GRID2: variants seen among roughly 807,000 people sequenced by gnomAD.
GRID2 encodes glutamate ionotropic receptor delta type subunit 2, also known as glutamate receptor ionotropic, delta-2.
GRID2 carries 33 observed loss-of-function variants against 114.8 expected under a neutral mutation model. The ratio of observed to expected loss-of-function variants is 0.29; its 90% CI spans 0.22 to 0.38. GRID2 has a LOEUF of 0.38. Ranked by LOEUF, GRID2 falls within the 10% of genes least tolerant of loss-of-function variation. GRID2 has a pLI of 1.00. For missense variants in GRID2, 1,184 were observed against 1,257.7 expected, an observed-to-expected ratio of 0.94 and a Z score of 0.89; for synonymous variants, 505 against 449.9, an observed-to-expected ratio of 1.12 and a Z score of -1.55.
intron 14 of GRID2, among the ~76,000 whole-genome samples, chr4:93,713,457 ATG>A (rs1728655586): frequency 6.6e-6 from 1 of 151,938 alleles, no homozygotes; most frequent in African/African-American, 2.4e-5. Context: ...TTATTTATTT[ATG>A]CATTCAAATA....
At chr4:92,933,161 A>G (rs1397203648) in intron 2 of GRID2, among the ~76,000 whole-genome samples, 3 of 150,104 alleles carry the variant, frequency 2.0e-5, no homozygotes, top group African/African-American at 7.3e-5. Context: ...ATATATATAT[A>G]CACATATATA....
At chr4:93,454,186 A>C (rs72668734) in intron 10 of GRID2, among the ~76,000 whole-genome samples, 1 of 152,132 alleles carries the variant, frequency 6.6e-6, no homozygotes, top group Non-Finnish European at 1.5e-5. Flanking sequence ...GTATACTAAT[A>C]TGGTCTTGTT....
intron 2 of GRID2, among the ~76,000 whole-genome samples, chr4:92,721,969 T>C (rs913843930): frequency 2.0e-5 from 3 of 152,146 alleles, no homozygotes; most frequent in African/African-American, 7.2e-5. Context: ...AATCCTTGTA[T>C]CTCTATCACC....
chr4:93,629,844 T>G lies in GRID2; in HGVS notation c.2360+3409T>G, dbSNP rs192498960. Among the ~76,000 whole-genome samples the G allele has an allele frequency of 8.3e-4, 127 of 152,302 alleles. 1 individual carries two copies. The highest frequency in any genetic ancestry group is 6.5e-4 in the Non-Finnish European group (44 of 68,034). ...TATTATCTGCTACCTGCCAGACGTC[T>G]TATATGTTTATATATTTCATAGGCA... On this transcript the variant is annotated intron_variant, in intron 14 of 15. Coordinates refer to ENST00000282020, the MANE Select transcript of GRID2 (RefSeq NM_001510.4).
intron 2 of GRID2, among the ~76,000 whole-genome samples, chr4:92,946,730 T>A (rs910926889): frequency 6.6e-6 from 1 of 152,102 alleles, no homozygotes; most frequent in African/African-American, 2.4e-5. Context: ...TTCTGTACCT[T>A]ACAGTTATGG....
Position 93,189,758 on chromosome 4 carries a change from C to T in GRID2, c.736-17646C>T, listed in dbSNP as rs1370690619. ...AGTTTTGTGTGGTACTAAACAACAA[C>T]ACCACCACACCACACCACACACACA... On this transcript the variant is annotated intron_variant, in intron 4 of 15. Coordinates refer to ENST00000282020, the MANE Select transcript of GRID2 (RefSeq NM_001510.4). 3.6e-5 allele frequency among the ~76,000 whole-genome samples: 5 copies of T among 139,196 alleles called. No individual in the cohort carries two copies. The South Asian group carries it at 7.1e-4, about 20-fold the overall frequency. 91.3% of individuals were successfully genotyped at this position (139,196 alleles called of 152,430 possible). A position where few individuals can be genotyped will look rare whatever the true frequency, so the allele number is the denominator to read the frequency against.
chr4:92,975,073 C>T (rs1410546594), intron 2 of GRID2, among the ~76,000 whole-genome samples: 7 of 140,958 alleles, frequency 5.0e-5, no homozygotes, highest in African/African-American at 1.9e-4. Context: ...AGGAGAATGG[C>T]GTGAACCCGG....
chr4:93,523,934 A>G (rs1730584370), intron 13 of GRID2, among the ~76,000 whole-genome samples: 1 of 152,072 alleles, frequency 6.6e-6, no homozygotes, highest in Non-Finnish European at 1.5e-5. Flanking sequence ...CTGACCTTGC[A>G]TGTCGGCCAT....
chr4:92,336,228 C>A (rs1412234075), intron 1 of GRID2, among the ~76,000 whole-genome samples: 6 of 152,032 alleles, frequency 3.9e-5, no homozygotes, highest in Admixed American at 3.9e-4. Context: ...AACTGATATC[C>A]TTTTCTAACC....
At chr4:93,602,648 C>G (rs947972303) in intron 13 of GRID2, among the ~76,000 whole-genome samples, 1 of 152,148 alleles carries the variant, frequency 6.6e-6, no homozygotes, top group Non-Finnish European at 1.5e-5. Context: ...GCTGCTTCAC[C>G]GACTGACAGT....
At chr4:92,449,588 C>A (rs532464135) in intron 1 of GRID2, among the ~76,000 whole-genome samples, 1 of 147,226 alleles carries the variant, frequency 6.8e-6, no homozygotes, top group Non-Finnish European at 1.5e-5. Context: ...GTCATAACTG[C>A]AAAAATATTC....
intron 1 of GRID2, among the ~76,000 whole-genome samples, chr4:92,493,121 C>T (rs1723227851): frequency 7.3e-6 from 1 of 136,748 alleles, no homozygotes; most frequent in Non-Finnish European, 1.5e-5. Context: ...GAGCAAGACT[C>T]CATCTCAAAA....
chr4:93,759,172 A>T (rs534387083), intron 14 of GRID2, among the ~76,000 whole-genome samples: 29 of 152,226 alleles, frequency 1.9e-4, no homozygotes, highest in African/African-American at 7.0e-4. Context: ...ATTAAAGTTC[A>T]CTAGTCACCA....
At chr4:93,683,955 A>G (rs116047712) in intron 14 of GRID2, among the ~76,000 whole-genome samples, 4,658 of 152,190 alleles carry the variant, frequency 0.031, 111 homozygotes, top group African/African-American at 0.062. Context: ...GACCACTGCA[A>G]TGGGATTTTG....
At chr4:92,550,038 C>T (rs1329096777) in intron 1 of GRID2, among the ~76,000 whole-genome samples, 1 of 152,028 alleles carries the variant, frequency 6.6e-6, no homozygotes, top group East Asian at 1.9e-4. Flanking sequence ...CTGTGTATTA[C>T]AGTGAGATAA....
At chr4:92,583,305 GA>G (rs1332697562) in intron 1 of GRID2, among the ~76,000 whole-genome samples, 5 of 151,730 alleles carry the variant, frequency 3.3e-5, no homozygotes, top group Non-Finnish European at 7.4e-5. Context: ...AAATTGGAGA[GA>G]AACACAACAG....
chr4:93,619,591 A>C (rs1742026730), intron 13 of GRID2, among the ~76,000 whole-genome samples: 2 of 152,194 alleles, frequency 1.3e-5, no homozygotes, highest in Admixed American at 1.3e-4. Flanking sequence ...ATAGATTTTC[A>C]TTATTCAAGC....
At chr4:92,748,033 A>G (rs913362394) in intron 2 of GRID2, among the ~76,000 whole-genome samples, 5 of 152,124 alleles carry the variant, frequency 3.3e-5, no homozygotes, top group Non-Finnish European at 7.4e-5. Context: ...TCTAGGACTA[A>G]GACAATGTTA....
rs1181589504 is a variant in GRID2 at position 92,635,068 on chromosome 4, T to C, written c.244+44782T>C. ...ATGGTGATTTTGTGACGTAGAGAAA[T>C]AGGGTTCTGGGTGAGAATACTTAAT... On this transcript the variant is annotated intron_variant, in intron 2 of 15. Coordinates refer to ENST00000282020, the MANE Select transcript of GRID2 (RefSeq NM_001510.4). Among the ~76,000 whole-genome samples the C allele has an allele frequency of 3.3e-5, 5 of 152,162 alleles. No individual in the cohort carries two copies. The East Asian group carries it at 9.7e-4, about 30-fold the overall frequency.
Sources: gnomAD v4.1 joint callset for allele counts (sites outside exome capture counted in the v4.1 genomes callset) on GRCh38, gnomAD v4.1.1 for gene constraint, MANE v1.5 for transcripts, NCBI Gene and HGNC (gene_info 2026-07-23, HGNC 2026-07-21) for gene names.